The following CELF2 variants were observed in gnomAD, a reference collection of about 807,000 sequenced individuals.
CELF2 encodes the protein CUGBP Elav-like family member 2.
CELF2 carries 8 observed loss-of-function variants against 62.6 expected under a neutral mutation model. The ratio of observed to expected loss-of-function variants is 0.13; its 90% confidence interval spans 0.07 to 0.23. The LOEUF is 0.23. Ranked by LOEUF, CELF2 falls within the 10% of genes least tolerant of loss-of-function variation. The pLI, the probability that CELF2 is intolerant of heterozygous loss-of-function variation, is 1.00. For synonymous variants in CELF2, 258 were observed against 250.0 expected (o/e 1.03, Z -0.30); for missense variants, 333 against 671.0 (o/e 0.50, Z 5.56).
chr10:11,258,791 A>G lies in CELF2; in HGVS notation c.538+919A>G, dbSNP rs145806773. On this transcript the variant is annotated intron_variant, in intron 5 of 12. Transcript: ENST00000633077. ...AGCCTCCACCTCCCAGGTTCAAGCA[A>G]TTCCCCTGCCTCAGCCTCCCGAGGA... 6.3e-3 allele frequency among the ~76,000 whole-genome samples: 956 copies of G among 152,250 alleles called. 10 individuals carry two copies. The highest frequency in any genetic ancestry group is 0.022 in the African/African-American group (896 of 41,530).
At chr10:10,711,320 A>G in the CELF2 span, among the ~76,000 whole-genome samples, 3 of 152,252 alleles carry the variant, frequency 2.0e-5, no homozygotes, top group East Asian at 3.8e-4. Flanking sequence ...AGGAGCTATG[A>G]CATTATAGAA....
chr10:10,505,687 A>G, the CELF2 span, among the ~76,000 whole-genome samples: 1 of 152,346 alleles, frequency 6.6e-6, no homozygotes, highest in Middle Eastern at 3.4e-3. Flanking sequence ...AGCCTCTGCT[A>G]CTATGAGTAT....
Position 10,907,965 on chromosome 10 carries a change from T to C in CELF2, c.54-11999T>C, listed in dbSNP as rs549134295. Among the ~76,000 whole-genome samples the C allele has an allele frequency of 4.3e-4, 66 of 152,206 alleles. 1 individual carries two copies. The highest frequency in any genetic ancestry group is 1.5e-3 in the African/African-American group (64 of 41,540). On this transcript the variant is annotated intron_variant, in intron 1 of 13. Transcript: ENST00000636488. ...CTTCTGCAGAAAGCTCTCGGAGTAG[T>C]GTTATTTCAAATGGGTAAAATGCCT...
At chr10:10,683,834 A>T in the CELF2 span, among the ~76,000 whole-genome samples, 6 of 152,214 alleles carry the variant, frequency 3.9e-5, no homozygotes, top group Non-Finnish European at 8.8e-5. Context: ...AAAGCAATTT[A>T]GATTCTTTAA....
At chr10:10,904,960 C>T (rs1486111345) in intron 1 of CELF2, among the ~76,000 whole-genome samples, 1 of 152,118 alleles carries the variant, frequency 6.6e-6, no homozygotes, top group African/African-American at 2.4e-5. Context: ...AAGGATCCAC[C>T]CAGATTATCA....
chr10:10,601,336 G>A, the CELF2 span, among the ~76,000 whole-genome samples: 1 of 152,222 alleles, frequency 6.6e-6, no homozygotes. Flanking sequence ...GGGGACAGCA[G>A]CAAGAAGAGG....
At chr10:10,888,897 T>C (rs752182945) in intron 1 of CELF2, among the ~76,000 whole-genome samples, 3 of 152,230 alleles carry the variant, frequency 2.0e-5, no homozygotes, top group Non-Finnish European at 2.9e-5. Context: ...CAGTAGTTCA[T>C]AGGCTTCTTG....
At chr10:11,179,145 A>G (rs1263046256) in intron 2 of CELF2, among the ~76,000 whole-genome samples, 1 of 152,206 alleles carries the variant, frequency 6.6e-6, no homozygotes, top group Non-Finnish European at 1.5e-5. Context: ...CGCTTCTTTT[A>G]CCTAAGCCAT....
intron 2 of CELF2, among the ~76,000 whole-genome samples, chr10:11,198,319 T>C (rs2058459553): frequency 6.6e-6 from 1 of 152,236 alleles, no homozygotes; most frequent in Admixed American, 6.5e-5. Context: ...AGCAAGCCCT[T>C]TCCCAAATTG....
the CELF2 span, among the ~76,000 whole-genome samples, chr10:10,556,653 T>G: frequency 2.6e-5 from 4 of 152,098 alleles, no homozygotes; most frequent in African/African-American, 9.7e-5. Flanking sequence ...CCACCAACAG[T>G]GTAAAAGTGT....
chr10:11,280,985 T>C lies in CELF2; in HGVS notation c.841+5865T>C, dbSNP rs1565735876. ...ATGCTGGCGTGCGTGTGCATGCCTG[T>C]GTGCGTGTGTGTGTGTGTGTGTGTG... On this transcript the variant is annotated intron_variant, in intron 8 of 12. Coordinates refer to ENST00000633077, the MANE Select transcript of CELF2 (RefSeq NM_001326342.2). This position sits in a 1 kb window ranked among gnomAD's most constrained non-coding sequence, Gnocchi z 7.6. Among the ~76,000 whole-genome samples the C allele has an allele frequency of 7.2e-6, 1 of 138,776 alleles. No individual in the cohort carries two copies. Among genetic ancestry groups the C allele is most frequent in the Non-Finnish European group, 1.5e-5 (1 of 65,500 alleles). The allele number at this position is 138,776 out of a possible 152,430, so 91.0% of individuals were successfully genotyped here.
intron 2 of CELF2, among the ~76,000 whole-genome samples, chr10:11,182,522 C>T (rs1017987595): frequency 1.3e-5 from 2 of 152,148 alleles, no homozygotes; most frequent in African/African-American, 4.8e-5. Flanking sequence ...CTCTTCCAGA[C>T]TTGGATTTTC....
intron 1 of CELF2, among the ~76,000 whole-genome samples, chr10:11,064,371 C>T (rs1247160932): frequency 2.0e-5 from 3 of 152,162 alleles, no homozygotes; most frequent in Non-Finnish European, 4.4e-5. Flanking sequence ...GTGGTTATTA[C>T]AACCAAGGAA....
At chr10:11,150,236 G>T (rs1287816569) in intron 1 of CELF2, among the ~76,000 whole-genome samples, 1 of 152,136 alleles carries the variant, frequency 6.6e-6, no homozygotes, top group Non-Finnish European at 1.5e-5. Flanking sequence ...ATGTAGAGCT[G>T]AAGGCAAGAG....
chr10:10,513,520 G>A, the CELF2 span, among the ~76,000 whole-genome samples: 1 of 151,996 alleles, frequency 6.6e-6, no homozygotes, highest in Non-Finnish European at 1.5e-5. Context: ...AACTGGGGAA[G>A]AGAAAAAATG....
At chr10:10,730,392 G>A in the CELF2 span, among the ~76,000 whole-genome samples, 67 of 152,220 alleles carry the variant, frequency 4.4e-4, no homozygotes, top group African/African-American at 1.5e-3. Context: ...CAGGAGAATC[G>A]CTTGAACCCG....
intron 5 of CELF2, among the ~76,000 whole-genome samples, chr10:11,262,407 A>AATCAG (rs2080934051): frequency 6.6e-6 from 1 of 152,240 alleles, no homozygotes; most frequent in Non-Finnish European, 1.5e-5. Flanking sequence ...CACAGAAATG[A>AATCAG]ATCAGTTTTC....
At chr10:11,225,291 T>C (rs1318108970) in intron 3 of CELF2, among the ~76,000 whole-genome samples, 1 of 152,164 alleles carries the variant, frequency 6.6e-6, no homozygotes, top group Non-Finnish European at 1.5e-5. Context: ...CCATTAACAC[T>C]CAAAACACAC....
chr10:11,140,223 A>G (rs2061105966), intron 1 of CELF2, among the ~76,000 whole-genome samples: 1 of 152,154 alleles, frequency 6.6e-6, no homozygotes, highest in African/African-American at 2.4e-5. Context: ...ATTAGATTTC[A>G]TCTTTTGATG....
Sources: allele counts gnomAD v4.1 joint callset (sites outside exome capture counted in the v4.1 genomes callset), GRCh38; gene constraint gnomAD v4.1.1; non-coding constraint Gnocchi (gnomAD v3.1); transcripts MANE v1.5; gene names NCBI Gene and HGNC (gene_info 2026-07-23, HGNC 2026-07-21).